Variants in TEKT1 observed in about 807,000 individuals in gnomAD.
TEKT1 encodes the protein tektin-1.
In TEKT1, 32 loss-of-function variants were observed where a neutral mutation model predicts 34.8. The ratio of observed to expected loss-of-function variants is 0.92; its 90% confidence interval spans 0.69 to 1.23. The LOEUF is 1.23. Among genes scored for constraint, TEKT1 ranks in the 50% most tolerant of loss-of-function variants. The probability of loss-of-function intolerance (pLI) is 0.00; values close to 1 mark genes in which losing one functional copy is unlikely to be tolerated. For missense variants in TEKT1, 492 were observed against 518.5 expected (o/e 0.95, Z 0.50); for synonymous variants, 207 against 199.8 (o/e 1.04, Z -0.30).
At chr17:6,826,573 T>C (rs560875180) in intron 2 of TEKT1, among the ~76,000 whole-genome samples, 3 of 152,058 alleles carry the variant, frequency 2.0e-5, no homozygotes, top group Non-Finnish European at 2.9e-5. Context: ...ATAAGTGTCA[T>C]TGTTTCACCT....
intron 6 of TEKT1, among the ~76,000 whole-genome samples, chr17:6,808,095 T>A (rs1976870930): frequency 6.6e-6 from 1 of 152,186 alleles, no homozygotes. Context: ...CAGGCCTCCT[T>A]GAGCTGCAGT....
At chr17:6,828,804 CT>C (rs1162927903) in intron 2 of TEKT1, among the ~76,000 whole-genome samples, 1 of 151,622 alleles carries the variant, frequency 6.6e-6, no homozygotes, top group Admixed American at 6.6e-5. Context: ...AGGATACTAT[CT>C]TTTTTTTTAA....
intron 6 of TEKT1, among the ~76,000 whole-genome samples, chr17:6,809,424 G>A (rs149451990): frequency 0.087 from 13,285 of 152,076 alleles, 688 homozygotes; most frequent in Middle Eastern, 0.19. Context: ...TAGAGACAGG[G>A]TTTCGCTGTG....
rs541515900 is a variant in TEKT1 at position 6,811,247 on chromosome 17, T to A, written c.852+1584A>T. ...GCTATCATCATCATCATCATCATCATCAATCAACTATTTTTATTATTTATA... is the reference window on the plus strand; with the variant it reads ...GCTATCATCATCATCATCATCATCAACAATCAACTATTTTTATTATTTATA... On this transcript the variant is annotated intron_variant, in intron 6 of 7. Transcript: ENST00000338694. This position sits in a 1 kb window ranked among gnomAD's most constrained non-coding sequence, Gnocchi z 4.4. 3.9e-5 allele frequency among the ~76,000 whole-genome samples: 6 copies of A among 152,172 alleles called. No homozygotes were observed. The East Asian group carries it at 1.2e-3, about 29-fold the overall frequency.
At chr17:6,802,424 T>C (rs1180431294) in intron 6 of TEKT1, among the ~76,000 whole-genome samples, 1 of 151,376 alleles carries the variant, frequency 6.6e-6, no homozygotes, top group East Asian at 1.9e-4. Context: ...ATATTTGAAT[T>C]ATCTTTTTTT....
At chr17:6,824,210 T>A (rs1046940529) in intron 2 of TEKT1, among the ~76,000 whole-genome samples, 2 of 152,208 alleles carry the variant, frequency 1.3e-5, no homozygotes, top group African/African-American at 4.8e-5. Context: ...CTCTTGGTCC[T>A]CTTCAACTCA....
chr17:6,820,376 AAT>A (rs766468808), intron 2 of TEKT1, among the ~76,000 whole-genome samples: 1 of 151,696 alleles, frequency 6.6e-6, no homozygotes, highest in Non-Finnish European at 1.5e-5. Context: ...AAAACAATTA[AAT>A]ATATATATAT....
intron 6 of TEKT1, among the ~76,000 whole-genome samples, chr17:6,809,470 G>A (rs1976896687): frequency 6.6e-6 from 1 of 152,090 alleles, no homozygotes; most frequent in African/African-American, 2.4e-5. Flanking sequence ...GACCTCAGGT[G>A]ATCCACCCGC....
chr17:6,814,884 A>G, intron 5 of TEKT1: 1 of 306,176 alleles, frequency 3.3e-6, no homozygotes. Context: ...CTACATTTTT[A>G]GATTATTTTA....
chr17:6,825,405 G>A (rs1259555665), intron 2 of TEKT1, among the ~76,000 whole-genome samples: 1 of 152,166 alleles, frequency 6.6e-6, no homozygotes, highest in Admixed American at 6.5e-5. Flanking sequence ...TCTACTTTCA[G>A]ACTGCAAGCT....
At chr17:6,816,015 C>A in intron 3 of TEKT1, 53 bp from the exon 4 acceptor site, 1 of 1,606,608 alleles carries the variant, frequency 6.2e-7, no homozygotes, top group African/African-American at 1.3e-5. Flanking sequence ...TGAGGTGACT[C>A]AACATTGGCT....
At chr17:6,828,192 C>T (rs1381357142) in intron 2 of TEKT1, among the ~76,000 whole-genome samples, 2 of 152,322 alleles carry the variant, frequency 1.3e-5, no homozygotes, top group Middle Eastern at 3.4e-3. Flanking sequence ...GATCCGCCCA[C>T]GTTGGCCTCC....
chr17:6,800,279 A>G (rs1166973400), intron 7 of TEKT1, 45 bp from the exon 8 acceptor site: 2 of 1,567,798 alleles, frequency 1.3e-6, no homozygotes, highest in Admixed American at 1.8e-5. Context: ...CTCTCTATGC[A>G]TTGCTTTTTC....
chr17:6,827,246 T>C (rs866288711), intron 2 of TEKT1, among the ~76,000 whole-genome samples: 2 of 150,428 alleles, frequency 1.3e-5, no homozygotes, highest in African/African-American at 4.9e-5. Context: ...TTCTTTAAGA[T>C]AGTTGTGCCA....
chr17:6,814,599 G>A (rs1976976871), intron 5 of TEKT1, among the ~76,000 whole-genome samples: 1 of 152,176 alleles, frequency 6.6e-6, no homozygotes, highest in African/African-American at 2.4e-5. Context: ...AGCACTTTGG[G>A]AGGCCGAGGC....
intron 6 of TEKT1, among the ~76,000 whole-genome samples, 174 bp from the exon 7 acceptor site, chr17:6,801,117 G>C (rs17731932): frequency 1.1e-4 from 17 of 152,016 alleles, no homozygotes; most frequent in African/African-American, 3.9e-4. Flanking sequence ...TGGTGGGCAA[G>C]GTCACATAAG....
chr17:6,805,159 T>G (rs1457675739), intron 6 of TEKT1, among the ~76,000 whole-genome samples: 1 of 152,206 alleles, frequency 6.6e-6, no homozygotes, highest in Non-Finnish European at 1.5e-5. Flanking sequence ...ATTGGTCTAT[T>G]CAGAGATTCA....
chr17:6,805,707 T>C (rs1008520249), intron 6 of TEKT1, among the ~76,000 whole-genome samples: 1 of 152,160 alleles, frequency 6.6e-6, no homozygotes, highest in Non-Finnish European at 1.5e-5. Context: ...TTTATTTCTG[T>C]CTTCATTTTG....
At chr17:6,817,707 C>G (rs977578669) in intron 3 of TEKT1, among the ~76,000 whole-genome samples, 1 of 152,218 alleles carries the variant, frequency 6.6e-6, no homozygotes, top group African/African-American at 2.4e-5. Flanking sequence ...CCCCTACTCA[C>G]TAGCTGGGTG....
Sources: gnomAD v4.1 joint callset for allele counts (sites outside exome capture counted in the v4.1 genomes callset) on GRCh38, gnomAD v4.1.1 for gene constraint, Gnocchi (gnomAD v3.1) non-coding constraint, MANE v1.5 for transcripts, NCBI Gene and HGNC (gene_info 2026-07-23, HGNC 2026-07-21) for gene names.